LRRTM4: variants seen among roughly 807,000 people sequenced by gnomAD.
LRRTM4 encodes the protein leucine-rich repeat transmembrane neuronal protein 4.
A neutral mutation model predicts 47.6 loss-of-function variants in LRRTM4; 25 were observed. The ratio of observed to expected loss-of-function variants is 0.53; its 90% CI spans 0.38 to 0.73. LRRTM4 has a LOEUF of 0.73. LRRTM4 is among the 30% of genes least tolerant of loss of function. LRRTM4 has a pLI of 0.00. For missense variants in LRRTM4, 638 were observed against 713.4 expected (o/e 0.89, Z 1.20); for synonymous variants, 311 against 269.5 (o/e 1.15, Z -1.51).
intron 3 of LRRTM4, among the ~76,000 whole-genome samples, chr2:76,798,745 G>A (rs1370460506): frequency 2.6e-5 from 4 of 151,006 alleles, no homozygotes; most frequent in Admixed American, 1.3e-4. Flanking sequence ...TCAAATAGAT[G>A]CAATAAAAAA....
intron 3 of LRRTM4, among the ~76,000 whole-genome samples, chr2:76,765,469 T>C (rs1673420535): frequency 6.6e-6 from 1 of 152,154 alleles, no homozygotes; most frequent in Admixed American, 6.5e-5. Flanking sequence ...TATGGCTACA[T>C]TTGGAGATAG....
At position 77,240,498 on chromosome 2, in the gene LRRTM4, C is replaced by T. The variant is rs184745866; in HGVS notation, c.1551+277820G>A. Among the ~76,000 whole-genome samples the T allele has an allele frequency of 2.0e-4, 30 of 151,968 alleles. No individual in the cohort carries two copies. The East Asian group carries it at 4.1e-3, about 21-fold the overall frequency. Reference sequence around the variant, plus strand: ...TACTAACATACCTAAGAGTGAAAGGCCTCTTTTCTAAGATAAAAATGTCAA... The same window carrying T: ...TACTAACATACCTAAGAGTGAAAGGTCTCTTTTCTAAGATAAAAATGTCAA... On this transcript the variant is annotated intron_variant, in intron 3 of 3. Coordinates refer to ENST00000409884, the MANE Select transcript of LRRTM4 (RefSeq NM_001134745.3).
At chr2:77,231,473 A>G (rs1186211052) in intron 3 of LRRTM4, among the ~76,000 whole-genome samples, 2 of 152,146 alleles carry the variant, frequency 1.3e-5, no homozygotes, top group African/African-American at 4.8e-5. Context: ...GGCTAAAAAT[A>G]GTTTTTACAT....
chr2:77,326,264 A>C (rs182682094), intron 3 of LRRTM4, among the ~76,000 whole-genome samples: 4 of 152,346 alleles, frequency 2.6e-5, no homozygotes, highest in Admixed American at 2.6e-4. Flanking sequence ...CACATCATGT[A>C]AAACTTGTAT....
intron 3 of LRRTM4, among the ~76,000 whole-genome samples, chr2:77,172,669 C>G (rs1673083223): frequency 6.6e-6 from 1 of 151,956 alleles, no homozygotes; most frequent in South Asian, 2.1e-4. Context: ...ATTCTTTTAC[C>G]TAATTATCAT....
intron 3 of LRRTM4, among the ~76,000 whole-genome samples, chr2:77,325,100 G>T (rs2104236258): frequency 6.6e-6 from 1 of 152,198 alleles, no homozygotes; most frequent in African/African-American, 2.4e-5. Flanking sequence ...AGAAACACAA[G>T]AAATTTCTTA....
rs142140146 is a variant in LRRTM4, at chr2:77,488,567, C to T, written c.1551+29751G>A. 2.4e-4 allele frequency among the ~76,000 whole-genome samples: 36 copies of T among 152,258 alleles called. No homozygotes were observed. In the East Asian group the frequency reaches 6.6e-3, roughly 28 times the overall value. ...CTGGCAAGGTGACACCCAAGGATCC[C>T]ATGACAGAAAGAGCAATGTGTTGAG... On this transcript the variant is annotated intron_variant, in intron 3 of 3. Coordinates refer to ENST00000409884, the MANE Select transcript of LRRTM4 (RefSeq NM_001134745.3).
intron 3 of LRRTM4, among the ~76,000 whole-genome samples, chr2:77,218,353 G>A (rs541786545): frequency 6.6e-6 from 1 of 152,038 alleles, no homozygotes; most frequent in African/African-American, 2.4e-5. Flanking sequence ...TTTTGGTTAT[G>A]TTATGATAGC....
At chr2:77,444,090 T>G (rs1007743358) in intron 3 of LRRTM4, among the ~76,000 whole-genome samples, 3 of 152,116 alleles carry the variant, frequency 2.0e-5, no homozygotes, top group African/African-American at 7.2e-5. Context: ...TAATGTATAC[T>G]TCTACAAGAA....
At chr2:77,095,662 C>A (rs1250834294) in intron 3 of LRRTM4, among the ~76,000 whole-genome samples, 1 of 151,902 alleles carries the variant, frequency 6.6e-6, no homozygotes, top group Non-Finnish European at 1.5e-5. Context: ...CAGTTAGCCA[C>A]CACGCCCGGC....
At chr2:77,019,273 A>AAAG (rs1156563216) in intron 3 of LRRTM4, among the ~76,000 whole-genome samples, 2 of 151,194 alleles carry the variant, frequency 1.3e-5, no homozygotes, top group African/African-American at 4.9e-5. Context: ...AAAAAAAAAA[A>AAAG]AAATATAAGA....
At chr2:76,811,002 C>T (rs1670716276) in intron 3 of LRRTM4, among the ~76,000 whole-genome samples, 1 of 152,042 alleles carries the variant, frequency 6.6e-6, no homozygotes, top group Admixed American at 6.6e-5. Context: ...TCACTGAAAA[C>T]AAATCAGATG....
At chr2:77,091,458 C>G (rs1250835883) in intron 3 of LRRTM4, among the ~76,000 whole-genome samples, 1 of 150,186 alleles carries the variant, frequency 6.7e-6, no homozygotes, top group Non-Finnish European at 1.5e-5. Context: ...CTTACAATTC[C>G]CCCATTTTAC....
intron 3 of LRRTM4, among the ~76,000 whole-genome samples, chr2:77,031,146 A>G (rs1025927367): frequency 1.3e-5 from 2 of 151,998 alleles, no homozygotes; most frequent in African/African-American, 4.8e-5. Flanking sequence ...TGTTATTTAT[A>G]TAGCAAAATA....
At chr2:77,272,388 T>G (rs957603416) in intron 3 of LRRTM4, among the ~76,000 whole-genome samples, 4 of 151,948 alleles carry the variant, frequency 2.6e-5, no homozygotes, top group Non-Finnish European at 5.9e-5. Context: ...TTTTTGAAGG[T>G]GTGGGATGTT....
chr2:77,321,687 T>C (rs1677797311), intron 3 of LRRTM4, among the ~76,000 whole-genome samples: 1 of 152,140 alleles, frequency 6.6e-6, no homozygotes, highest in Non-Finnish European at 1.5e-5. Flanking sequence ...TTTTTAACCA[T>C]GCCAAATTTG....
At chr2:76,861,369 A>G (rs1672306856) in intron 3 of LRRTM4, among the ~76,000 whole-genome samples, 2 of 152,164 alleles carry the variant, frequency 1.3e-5, no homozygotes, top group East Asian at 1.9e-4. Flanking sequence ...CACATCACCA[A>G]TTGATTTGAT....
At chr2:77,473,204 T>C (rs527705304) in intron 3 of LRRTM4, among the ~76,000 whole-genome samples, 3 of 152,292 alleles carry the variant, frequency 2.0e-5, no homozygotes, top group African/African-American at 7.2e-5. Context: ...GGATACTGAA[T>C]ATAAAAGCAA....
At chr2:76,930,773 T>C (rs1674744831) in intron 3 of LRRTM4, among the ~76,000 whole-genome samples, 2 of 152,138 alleles carry the variant, frequency 1.3e-5, no homozygotes, top group African/African-American at 4.8e-5. Context: ...TCCTAATCTG[T>C]AAAATAATGA....
Sources: gnomAD v4.1 joint callset for allele counts (sites outside exome capture counted in the v4.1 genomes callset) on GRCh38, gnomAD v4.1.1 for gene constraint, MANE v1.5 for transcripts, NCBI Gene and HGNC (gene_info 2026-07-23, HGNC 2026-07-21) for gene names.